Variants in RCOR3 observed in about 807,000 individuals in gnomAD.
RCOR3 encodes REST corepressor 3.
Under a neutral mutation model 64.1 loss-of-function variants are expected in RCOR3, and 13 were observed. The observed-to-expected ratio is 0.20, with a 90% CI of 0.13 to 0.32. The LOEUF (loss-of-function observed/expected upper bound fraction) is 0.32, where lower values mean the gene tolerates loss of function less well. RCOR3 is among the 10% of genes least tolerant of loss of function. The pLI is 1.00. For missense variants in RCOR3, 489 were observed against 701.2 expected (o/e 0.70, Z 3.42); for synonymous variants, 215 against 239.0 (o/e 0.90, Z 0.93).
chr1:211,313,020 T>C lies in RCOR3; in HGVS notation c.1317+59T>C. On this transcript the variant is annotated intron_variant, in intron 11 of 11. Transcript: ENST00000419091. The surrounding 1 kb of genome is among the most constrained non-coding windows in gnomAD (Gnocchi z 4.7). ...GTTGAGGAATCACCATTTTGTGTGG[T>C]ATTCTGTAAGGTTAATTTGTCAAGA... The C allele has an allele frequency of 6.2e-7, 1 of 1,609,928 alleles. No homozygotes were observed. Among genetic ancestry groups the C allele is most frequent in the Non-Finnish European group, 8.5e-7 (1 of 1,177,268 alleles).
intron 5 of RCOR3, among the ~76,000 whole-genome samples, chr1:211,277,114 CA>C (rs1165297446): frequency 1.3e-5 from 2 of 149,270 alleles, no homozygotes; most frequent in Non-Finnish European, 3.0e-5. Flanking sequence ...AACAAAAAAA[CA>C]AAAAAAATAT....
chr1:211,272,815 G>C (rs1276197971), intron 3 of RCOR3, among the ~76,000 whole-genome samples: 2 of 150,834 alleles, frequency 1.3e-5, no homozygotes, highest in African/African-American at 4.9e-5. Context: ...TAGAGACGGG[G>C]TTTCACCGTT....
chr1:211,278,044 GTAAAGATATCA>G, intron 5 of RCOR3, 62 bp from the exon 6 acceptor site: 1 of 1,337,600 alleles, frequency 7.5e-7, no homozygotes, highest in African/African-American at 1.6e-5. Flanking sequence ...TTACTAAATA[GTAAAGATATCA>G]TCAAAATTAT....
intron 2 of RCOR3, among the ~76,000 whole-genome samples, chr1:211,268,941 T>C (rs936992452): frequency 6.6e-6 from 1 of 152,182 alleles, no homozygotes; most frequent in African/African-American, 2.4e-5. Context: ...TAATGATATA[T>C]GATGCTTCTC....
At chr1:211,287,190 C>A (rs1698653265) in intron 7 of RCOR3, among the ~76,000 whole-genome samples, 1 of 152,176 alleles carries the variant, frequency 6.6e-6, no homozygotes, top group South Asian at 2.1e-4. Context: ...TTTCTTTCCA[C>A]CCAGCCAAGA....
At chr1:211,289,628 C>A (rs929619835) in intron 8 of RCOR3, among the ~76,000 whole-genome samples, 102 of 152,304 alleles carry the variant, frequency 6.7e-4, no homozygotes, top group African/African-American at 2.4e-3. Flanking sequence ...AAATTAACCT[C>A]TGTAAGCTTC....
At position 211,313,998 on chromosome 1, in the gene RCOR3, C is replaced by T. The variant is rs1395034502; in HGVS notation, c.*230C>T. The T allele has an allele frequency of 8.1e-6, 4 of 495,082 alleles. No homozygotes were observed. The highest frequency in any genetic ancestry group is 1.1e-5 in the Non-Finnish European group (3 of 279,206). 30.7% of individuals were successfully genotyped at this position (495,082 alleles called of 1,614,324 possible). A position where few individuals can be genotyped will look rare whatever the true frequency, so the allele number is the denominator to read the frequency against. On this transcript the variant is annotated 3_prime_UTR_variant, in exon 12 of 12. Coordinates refer to ENST00000419091, the MANE Select transcript of RCOR3 (RefSeq NM_001136223.3). This position sits in a 1 kb window ranked among gnomAD's most constrained non-coding sequence, Gnocchi z 4.7. ...TAGCCTCCTTTCTAGAGTATATGTT[C>T]AGCAATGTTGATCTCATAAAAGGAA...
intron 7 of RCOR3, among the ~76,000 whole-genome samples, chr1:211,287,217 T>A (rs1385497772): frequency 6.6e-6 from 1 of 152,160 alleles, no homozygotes. Flanking sequence ...TGGACATGGC[T>A]CCCATTAATC....
Position 211,295,541 on chromosome 1 carries a change from A to G in RCOR3, c.940-135A>G, listed in dbSNP as rs74696020. 23 of 684,486 alleles carry G rather than the reference A, an allele frequency of 3.4e-5. No individual in the cohort carries two copies. The East Asian group carries it at 5.4e-4, about 16-fold the overall frequency. The allele number at this position is 684,486 out of a possible 1,614,324, so 42.4% of individuals were successfully genotyped here. A position where few individuals can be genotyped will look rare whatever the true frequency, so the allele number is the denominator to read the frequency against. ...TGAATTAGTGGCATGTCATACCCCA[A>G]GTGTGATTAGTATGACTATTCTCCT... On this transcript the variant is annotated intron_variant, in intron 8 of 11. Coordinates refer to ENST00000419091, the MANE Select transcript of RCOR3 (RefSeq NM_001136223.3).
At chr1:211,265,572 A>G (rs1464335899) in intron 2 of RCOR3, among the ~76,000 whole-genome samples, 1 of 152,150 alleles carries the variant, frequency 6.6e-6, no homozygotes, top group Non-Finnish European at 1.5e-5. Context: ...ACAAAAAATC[A>G]GCTGGGCGTG....
At chr1:211,289,057 G>A (rs1431462649) in intron 7 of RCOR3, 121 bp from the exon 8 acceptor site, 2 of 705,456 alleles carry the variant, frequency 2.8e-6, no homozygotes, top group East Asian at 5.4e-5. Context: ...ATATATAATT[G>A]GTTAGAAGTG....
At chr1:211,279,199 AAAAG>A in intron 6 of RCOR3, 35 bp from the exon 7 acceptor site, 1 of 1,419,624 alleles carries the variant, frequency 7.0e-7, no homozygotes. Context: ...AAAAAAAAAA[AAAAG>A]GGAATTAAGT....
chr1:211,262,098 C>G (rs529036035), intron 2 of RCOR3, among the ~76,000 whole-genome samples: 1 of 109,694 alleles, frequency 9.1e-6, no homozygotes, highest in East Asian at 3.2e-4. Flanking sequence ...AGTGCAGTGG[C>G]GTAATCTCGG....
chr1:211,276,545 T>G, intron 5 of RCOR3, 127 bp downstream of exon 5: 1 of 810,562 alleles, frequency 1.2e-6, no homozygotes. Flanking sequence ...TGTAAGTAGG[T>G]ATATTTATAT....
At chr1:211,302,607 A>C (rs1374829956) in intron 9 of RCOR3, 1 of 152,282 alleles carries the variant, frequency 6.6e-6, no homozygotes, top group Non-Finnish European at 1.5e-5. Context: ...TTTTAAAAAA[A>C]CTAATTTCTA....
intron 2 of RCOR3, among the ~76,000 whole-genome samples, chr1:211,263,932 C>T (rs189815923): frequency 7.8e-4 from 119 of 152,002 alleles, no homozygotes; most frequent in African/African-American, 2.8e-3. Flanking sequence ...GCAATTCTGC[C>T]TCAGCCTCCC....
At chr1:211,306,168 G>A (rs1272586133) in intron 10 of RCOR3, among the ~76,000 whole-genome samples, 1 of 151,978 alleles carries the variant, frequency 6.6e-6, no homozygotes, top group East Asian at 1.9e-4. Context: ...GAATTTTAAA[G>A]TGTCATATTG....
At chr1:211,284,524 TTATG>T (rs562883163) in intron 7 of RCOR3, among the ~76,000 whole-genome samples, 4,519 of 76,374 alleles carry the variant, frequency 0.059, 89 homozygotes, top group South Asian at 0.16. Flanking sequence ...ATTTATTTAT[TTATG>T]TATTTATTTA....
chr1:211,305,055 A>G (rs1008195498), intron 10 of RCOR3, among the ~76,000 whole-genome samples: 1 of 152,236 alleles, frequency 6.6e-6, no homozygotes. Context: ...AATGTTGCCA[A>G]ATAGTCTTCA....
Sources: gnomAD v4.1 joint callset for allele counts (sites outside exome capture counted in the v4.1 genomes callset) on GRCh38, gnomAD v4.1.1 for gene constraint, Gnocchi (gnomAD v3.1) non-coding constraint, MANE v1.5 for transcripts, NCBI Gene and HGNC (gene_info 2026-07-23, HGNC 2026-07-21) for gene names.